Variants in LRP2BP observed in about 807,000 individuals in gnomAD.
The protein encoded by LRP2BP is LRP2-binding protein.
Under a neutral mutation model 45.2 loss-of-function variants are expected in LRP2BP, and 38 were observed. The ratio of observed to expected loss-of-function variants is 0.84; its 90% confidence interval spans 0.65 to 1.10. LRP2BP has a LOEUF of 1.10. Ranked by LOEUF, LRP2BP falls within the 50% of genes least tolerant of loss-of-function variation. The probability of loss-of-function intolerance (pLI) is 0.00; values close to 1 mark genes in which losing one functional copy is unlikely to be tolerated. For synonymous variants in LRP2BP, 153 were observed against 153.9 expected, an observed-to-expected ratio of 0.99 and a Z score of 0.04; for missense variants, 385 against 418.9, an observed-to-expected ratio of 0.92 and a Z score of 0.71.
At chr4:185,396,852 C>A, upstream of LRP2BP, 1 of 1,523,166 alleles carries the variant, frequency 6.6e-7, no homozygotes, top group Non-Finnish European at 9.1e-7. Context: ...CGCATTCTTA[C>A]CTGTCGGGGT....
At chr4:185,391,559 T>C (rs1300619587) in intron 1 of LRP2BP, among the ~76,000 whole-genome samples, 1 of 152,258 alleles carries the variant, frequency 6.6e-6, no homozygotes, top group Non-Finnish European at 1.5e-5. Context: ...TGGATAACTA[T>C]GTACTGAGTT....
At chr4:185,375,404 C>T (rs1371935283) in intron 4 of LRP2BP, among the ~76,000 whole-genome samples, 18 of 128,448 alleles carry the variant, frequency 1.4e-4, no homozygotes, top group Non-Finnish European at 2.2e-4. Flanking sequence ...TGCAGTGAGC[C>T]GAGGTCGCGC....
rs2095387940 is a variant in LRP2BP, at chr4:185,366,309, G to C, written c.*871C>G. The C allele has an allele frequency of 6.6e-6, 1 of 152,202 alleles. No individual in the cohort carries two copies. The highest frequency in any genetic ancestry group is 1.9e-4 in the East Asian group (1 of 5,186). 9.4% of individuals were successfully genotyped at this position (152,202 alleles called of 1,614,324 possible). Reference sequence around the variant, plus strand: ...ATTTCATTGAGGCTTTTACCACAGGGTTTTAAAAATATGGAAAATGAGCTG... The same window carrying C: ...ATTTCATTGAGGCTTTTACCACAGGCTTTTAAAAATATGGAAAATGAGCTG... On this transcript the variant is annotated 3_prime_UTR_variant, in exon 9 of 9. Transcript: ENST00000505916.
intron 3 of LRP2BP, 117 bp downstream of exon 3, chr4:185,376,792 T>C (rs1221818553): frequency 2.9e-6 from 2 of 678,922 alleles, no homozygotes; most frequent in African/African-American, 1.8e-5. Flanking sequence ...CCATAGTCGA[T>C]GTAATTGGAC....
intron 6 of LRP2BP, among the ~76,000 whole-genome samples, chr4:185,373,449 G>A (rs1025585141): frequency 1.4e-4 from 22 of 152,194 alleles, no homozygotes; most frequent in African/African-American, 5.1e-4. Context: ...CTGATGCTAA[G>A]GGAGAGTTCG....
intron 8 of LRP2BP, 69 bp from the exon 9 acceptor site, chr4:185,367,314 T>C: frequency 7.1e-7 from 1 of 1,409,720 alleles, no homozygotes; most frequent in Non-Finnish European, 9.8e-7. Flanking sequence ...TTTTTTTTTT[T>C]TTCTTTTTTG....
At position 185,367,096 on chromosome 4, in the gene LRP2BP, C is replaced by A; in HGVS notation, c.*84G>T. On this transcript the variant is annotated 3_prime_UTR_variant, in exon 9 of 9. Transcript: ENST00000505916. ...CCAGGATAGTGTAATTTGTGATGTG[C>A]AAAATAACCAAACATAGCTACTGTA... 2.5e-6 allele frequency: 3 copies of A among 1,189,968 alleles called. No homozygotes were observed. The highest frequency in any genetic ancestry group is 3.7e-6 in the Non-Finnish European group (3 of 812,394). 73.7% of individuals were successfully genotyped at this position (1,189,968 alleles called of 1,614,324 possible).
At chr4:185,374,890 C>T (rs117320438) in intron 4 of LRP2BP, among the ~76,000 whole-genome samples, 1 of 152,090 alleles carries the variant, frequency 6.6e-6, no homozygotes, top group East Asian at 1.9e-4. Flanking sequence ...CTAACAAACA[C>T]CGTCTTCCAT....
intron 1 of LRP2BP, among the ~76,000 whole-genome samples, chr4:185,389,456 C>A (rs2095482290): frequency 6.6e-6 from 1 of 152,072 alleles, no homozygotes; most frequent in Non-Finnish European, 1.5e-5. Context: ...GTGATCCGCC[C>A]ACCTCAGCCT....
At chr4:185,378,411 C>T in intron 1 of LRP2BP, 1 of 1,355,292 alleles carries the variant, frequency 7.4e-7, no homozygotes, top group Non-Finnish European at 9.5e-7. Flanking sequence ...CAGCCATTCT[C>T]CATGTCATTT....
chr4:185,395,118 T>C lies in LRP2BP; in HGVS notation c.-361A>G, dbSNP rs189846667. Reference sequence around the variant, plus strand: ...TTTTTTCTGAAAACAATGTGAGCAATGGACAGGTACGCTGTGATTAAAGGG... The same window carrying C: ...TTTTTTCTGAAAACAATGTGAGCAACGGACAGGTACGCTGTGATTAAAGGG... On this transcript the variant is annotated 5_prime_UTR_variant, in exon 1 of 9. Transcript: ENST00000505916. 439 of 985,338 alleles carry C rather than the reference T, an allele frequency of 4.5e-4. 3 individuals are homozygous for C. The African/African-American group carries it at 6.9e-3, about 15-fold the overall frequency. The allele number at this position is 985,338 out of a possible 1,614,324, so 61.0% of individuals were successfully genotyped here. A position where few individuals can be genotyped will look rare whatever the true frequency, so the allele number is the denominator to read the frequency against.
intron 7 of LRP2BP, among the ~76,000 whole-genome samples, chr4:185,372,494 C>T (rs566108392): frequency 6.6e-6 from 1 of 152,344 alleles, no homozygotes; most frequent in Admixed American, 6.5e-5. Context: ...TGGCATAGAA[C>T]ATGTAGTAGG....
intron 7 of LRP2BP, among the ~76,000 whole-genome samples, chr4:185,371,544 A>G (rs1412679910): frequency 1.4e-5 from 2 of 144,774 alleles, no homozygotes. Flanking sequence ...TCCGTCTAAA[A>G]AAAAAAAAAA....
chr4:185,385,905 A>AGGCGGGGG (rs369541635), intron 1 of LRP2BP, among the ~76,000 whole-genome samples: 1 of 34,890 alleles, frequency 2.9e-5, no homozygotes, highest in Non-Finnish European at 6.6e-5. Flanking sequence ...TGTCTCGGGG[A>AGGCGGGGG]GGGGGGGGGG....
chr4:185,383,804 G>A (rs973694519), intron 1 of LRP2BP, among the ~76,000 whole-genome samples: 3 of 152,112 alleles, frequency 2.0e-5, no homozygotes, highest in Non-Finnish European at 4.4e-5. Context: ...ACATCCCTCC[G>A]GGCTTCCTTT....
chr4:185,371,631 C>T (rs1462332344), intron 7 of LRP2BP, among the ~76,000 whole-genome samples: 1 of 151,510 alleles, frequency 6.6e-6, no homozygotes, highest in African/African-American at 2.4e-5. Flanking sequence ...GAATGTGATC[C>T]AGTCAACTCC....
intron 1 of LRP2BP, among the ~76,000 whole-genome samples, chr4:185,382,682 C>T (rs1240921557): frequency 6.6e-6 from 1 of 152,122 alleles, no homozygotes; most frequent in African/African-American, 2.4e-5. Context: ...AAGCTTTTGC[C>T]CATTTTCCAG....
intron 1 of LRP2BP, among the ~76,000 whole-genome samples, chr4:185,391,889 T>C (rs143371051): frequency 6.6e-6 from 1 of 152,232 alleles, no homozygotes; most frequent in Admixed American, 6.5e-5. Flanking sequence ...CTAGGACATA[T>C]GTATATGCAT....
At chr4:185,375,376 A>G (rs1311059052) in intron 4 of LRP2BP, among the ~76,000 whole-genome samples, 1 of 142,090 alleles carries the variant, frequency 7.0e-6, no homozygotes, top group African/African-American at 2.6e-5. Context: ...GAATCACTCG[A>G]ACCCGGGAAG....
Sources: gnomAD v4.1 joint callset for allele counts (sites outside exome capture counted in the v4.1 genomes callset) on GRCh38, gnomAD v4.1.1 for gene constraint, MANE v1.5 for transcripts, NCBI Gene and HGNC (gene_info 2026-07-23, HGNC 2026-07-21) for gene names.